The following KCNIP4 variants were observed in gnomAD, a reference collection of about 807,000 sequenced individuals.
KCNIP4 encodes the protein potassium voltage-gated channel interacting protein 4, also known as Kv channel-interacting protein 4.
Under a neutral mutation model 34.0 loss-of-function variants are expected in KCNIP4, and 12 were observed. The observed-to-expected ratio is 0.35, with a 90% CI of 0.23 to 0.57. The LOEUF (loss-of-function observed/expected upper bound fraction) is 0.57, where lower values mean the gene tolerates loss of function less well. Among genes scored for constraint, KCNIP4 ranks in the 20% least tolerant of loss-of-function variants. The pLI is 0.83. For missense variants in KCNIP4, 238 were observed against 311.7 expected (o/e 0.76, Z 1.78); for synonymous variants, 124 against 102.2 (o/e 1.21, Z -1.29).
At chr4:21,789,438 C>T (rs555875074) in intron 1 of KCNIP4, among the ~76,000 whole-genome samples, 55 of 152,258 alleles carry the variant, frequency 3.6e-4, no homozygotes, top group Middle Eastern at 3.4e-3. Flanking sequence ...GATGGCGGTA[C>T]CTACACAGTT....
At chr4:20,949,623 G>A (rs891404160) in intron 1 of KCNIP4, among the ~76,000 whole-genome samples, 1 of 151,890 alleles carries the variant, frequency 6.6e-6, no homozygotes, top group Admixed American at 6.6e-5. Flanking sequence ...GTCCAACAAT[G>A]ATAGACTGGA....
chr4:21,565,588 T>C (rs1739816546), intron 1 of KCNIP4, among the ~76,000 whole-genome samples: 1 of 152,112 alleles, frequency 6.6e-6, no homozygotes, highest in Non-Finnish European at 1.5e-5. Flanking sequence ...GCTATTCATG[T>C]TTTACATCCA....
chr4:20,843,695 A>T (rs1041231353), intron 3 of KCNIP4, among the ~76,000 whole-genome samples: 11 of 152,298 alleles, frequency 7.2e-5, no homozygotes, highest in African/African-American at 2.6e-4. Flanking sequence ...GCGCCACTGC[A>T]TTCCAGCCTG....
rs71655609 is a variant in KCNIP4 at position 20,904,329 on chromosome 4, G to GTATATATA, written c.62-21621_62-21620insTATATATA. Among the ~76,000 whole-genome samples, 472 of 144,918 alleles carry GTATATATA rather than the reference G, an allele frequency of 3.3e-3. 3 individuals are homozygous for GTATATATA. Among genetic ancestry groups the GTATATATA allele is most frequent in the Middle Eastern group, 0.011 (3 of 270 alleles). ...AAACTATATATATGTATGTGTGTGT[G>GTATATATA]TGTATATATATATATATATACAGAT... On this transcript the variant is annotated intron_variant, in intron 1 of 8. Transcript: ENST00000382152.
At chr4:20,894,271 A>T (rs549644355) in intron 1 of KCNIP4, among the ~76,000 whole-genome samples, 23 of 152,340 alleles carry the variant, frequency 1.5e-4, no homozygotes, top group African/African-American at 5.3e-4. Context: ...ACAGGTGAGT[A>T]AGGTTGATTC....
At chr4:21,626,421 A>G (rs1745327671) in intron 1 of KCNIP4, among the ~76,000 whole-genome samples, 1 of 151,776 alleles carries the variant, frequency 6.6e-6, no homozygotes, top group Non-Finnish European at 1.5e-5. Flanking sequence ...GTGCACAAAG[A>G]GGTCATGTGA....
intron 1 of KCNIP4, among the ~76,000 whole-genome samples, chr4:21,027,438 G>GA (rs1370095438): frequency 1.3e-5 from 2 of 151,604 alleles, no homozygotes; most frequent in African/African-American, 2.4e-5. Flanking sequence ...GGGGCTGAGG[G>GA]AAAAAAAGGG....
At chr4:21,867,806 T>C (rs1725522392) in intron 1 of KCNIP4, among the ~76,000 whole-genome samples, 1 of 152,236 alleles carries the variant, frequency 6.6e-6, no homozygotes, top group African/African-American at 2.4e-5. Flanking sequence ...TCAATCTTCT[T>C]AATCTTTTTA....
At chr4:21,252,362 G>A (rs1315176942) in intron 1 of KCNIP4, among the ~76,000 whole-genome samples, 2 of 151,912 alleles carry the variant, frequency 1.3e-5, no homozygotes, top group African/African-American at 4.8e-5. Context: ...TCCTAACCTC[G>A]TGATCCGCCC....
intron 1 of KCNIP4, among the ~76,000 whole-genome samples, chr4:21,476,232 A>G (rs1236652932): frequency 6.6e-6 from 1 of 152,160 alleles, no homozygotes; most frequent in Non-Finnish European, 1.5e-5. Context: ...TTACCTGTCT[A>G]TCTATCTATC....
At chr4:21,679,008 A>T (rs1019347697) in intron 1 of KCNIP4, among the ~76,000 whole-genome samples, 2 of 152,176 alleles carry the variant, frequency 1.3e-5, no homozygotes, top group African/African-American at 4.8e-5. Flanking sequence ...GCACACAAGC[A>T]CACAGCATAG....
chr4:20,736,276 T>C (rs974603289), intron 5 of KCNIP4, among the ~76,000 whole-genome samples: 2 of 152,212 alleles, frequency 1.3e-5, no homozygotes, highest in African/African-American at 4.8e-5. Flanking sequence ...GGGAAACAAT[T>C]TGAGTTTCCA....
rs573153220 is a variant in KCNIP4 at position 20,936,478 on chromosome 4, T to C, written c.62-53769A>G. ...CATCATGCATACAGGTACATTGCTA[T>C]ATTACTCTATTTATAAAGCAATAAT... is the stretch of plus-strand genomic sequence containing the variant. On this transcript the variant is annotated intron_variant, in intron 1 of 8. Transcript: ENST00000382152. Among the ~76,000 whole-genome samples the C allele has an allele frequency of 2.3e-3, 351 of 152,258 alleles. 10 individuals are homozygous for C. Among genetic ancestry groups the C allele is most frequent in the Non-Finnish European group, 2.6e-3 (179 of 68,030 alleles).
intron 3 of KCNIP4, among the ~76,000 whole-genome samples, chr4:20,795,917 A>G (rs896147011): frequency 1.3e-5 from 2 of 152,192 alleles, no homozygotes; most frequent in Admixed American, 1.3e-4. Flanking sequence ...AAGAAATTGT[A>G]TCAGTCTTTA....
intron 1 of KCNIP4, among the ~76,000 whole-genome samples, chr4:21,646,962 T>C (rs988620965): frequency 6.6e-6 from 1 of 151,856 alleles, no homozygotes; most frequent in African/African-American, 2.4e-5. Context: ...TTTCCTAGAA[T>C]AAAAAAAATC....
At chr4:21,166,767 C>T (rs536202561) in intron 1 of KCNIP4, among the ~76,000 whole-genome samples, 26 of 151,846 alleles carry the variant, frequency 1.7e-4, no homozygotes, top group Admixed American at 3.9e-4. Flanking sequence ...GGCAAAACCC[C>T]GTCTCTGCTA....
chr4:20,901,907 A>C (rs1403594077), intron 1 of KCNIP4, among the ~76,000 whole-genome samples: 4 of 152,080 alleles, frequency 2.6e-5, no homozygotes, highest in Non-Finnish European at 2.9e-5. Flanking sequence ...GAAAAAAAAA[A>C]ACACAACCTT....
At chr4:21,895,627 T>A (rs1727340799) in intron 1 of KCNIP4, among the ~76,000 whole-genome samples, 1 of 152,182 alleles carries the variant, frequency 6.6e-6, no homozygotes, top group East Asian at 1.9e-4. Context: ...AACTATTAAA[T>A]TATTTTAATA....
intron 1 of KCNIP4, among the ~76,000 whole-genome samples, chr4:21,245,175 T>C (rs1395466833): frequency 6.6e-6 from 1 of 152,220 alleles, no homozygotes; most frequent in African/African-American, 2.4e-5. Context: ...CACTAATGCC[T>C]ACCACAGTAA....
Sources: gnomAD v4.1 joint callset for allele counts (sites outside exome capture counted in the v4.1 genomes callset) on GRCh38, gnomAD v4.1.1 for gene constraint, MANE v1.5 for transcripts, NCBI Gene and HGNC (gene_info 2026-07-23, HGNC 2026-07-21) for gene names.